OGA: variants seen among roughly 807,000 people sequenced by gnomAD.
The protein encoded by OGA is protein O-GlcNAcase.
OGA carries 21 observed loss-of-function variants against 102.0 expected under a neutral mutation model. That is an observed-to-expected ratio of 0.21 (90% CI 0.15 to 0.30). The LOEUF (loss-of-function observed/expected upper bound fraction) is 0.30, where lower values mean the gene tolerates loss of function less well. Among genes scored for constraint, OGA ranks in the 10% least tolerant of loss-of-function variants. OGA has a pLI of 1.00. For synonymous variants in OGA, 408 were observed against 378.2 expected, an observed-to-expected ratio of 1.08 and a Z score of -0.91; for missense variants, 765 against 1,107.8, an observed-to-expected ratio of 0.69 and a Z score of 4.39.
At position 101,818,265 on chromosome 10, in the gene OGA, A is replaced by G; in HGVS notation, c.-243T>C. On this transcript the variant is annotated 5_prime_UTR_variant, in exon 1 of 16. Coordinates refer to ENST00000361464, the MANE Select transcript of OGA (RefSeq NM_012215.5). ...CTCGGCTTTAAGCTGGGGCGCCAGAAGCCTAAGCGGAGAGCGAGGCTGTGA... is the reference window on the plus strand; with the variant it reads ...CTCGGCTTTAAGCTGGGGCGCCAGAGGCCTAAGCGGAGAGCGAGGCTGTGA... 2 of 1,304,836 alleles carry G rather than the reference A, an allele frequency of 1.5e-6. No individual in the cohort carries two copies. Among genetic ancestry groups the G allele is most frequent in the Non-Finnish European group, 1.9e-6 (2 of 1,027,442 alleles). The allele number at this position is 1,304,836 out of a possible 1,614,324, so 80.8% of individuals were successfully genotyped here. A position where few individuals can be genotyped will look rare whatever the true frequency, so the allele number is the denominator to read the frequency against.
intron 5 of OGA, 48 bp from the exon 6 acceptor site, chr10:101,806,191 G>A (rs1216504608): frequency 2.5e-6 from 3 of 1,198,524 alleles, no homozygotes; most frequent in East Asian, 2.4e-5. Context: ...AATGCTCATG[G>A]GTTTTCTCTT....
chr10:101,799,302 G>A lies in OGA; in HGVS notation c.1349C>T (p.Thr450Ile). Reference protein sequence around the residue: ...QGAALSGEPTTLTKEEEKKQP... With the variant: ...QGAALSGEPTILTKEEEKKQP... ...TTTCTTTTCTTCTTCCTTGGTCAGA[G>A]TAGTAGGCTCACCACTCAAGGCTGC... The change falls in exon 9 of 16, where the codon ACT (threonine) becomes ATT (isoleucine). Residue 450 changes from threonine to isoleucine, a missense_variant. Physicochemically the swap from Thr to Ile is moderately conservative, Grantham distance 89. Coordinates refer to ENST00000361464, the MANE Select transcript of OGA (RefSeq NM_012215.5). 2 of 1,614,114 alleles carry A rather than the reference G, an allele frequency of 1.2e-6. No individual in the cohort carries two copies. Among genetic ancestry groups the A allele is most frequent in the African/African-American group, 2.7e-5 (2 of 75,014 alleles).
At chr10:101,792,967 T>C (rs1273658980) in intron 11 of OGA, 24 bp from the exon 12 acceptor site, 9 of 1,577,578 alleles carry the variant, frequency 5.7e-6, no homozygotes, top group Middle Eastern at 1.7e-4. Flanking sequence ...AAAAAGGAGA[T>C]GGATTAGTTT....
Position 101,817,819 on chromosome 10 carries a change from C to A in OGA, c.199+5G>T. On this transcript the variant is annotated splice_donor_5th_base_variant and intron_variant, in intron 1 of 15. Coordinates refer to ENST00000361464, the MANE Select transcript of OGA (RefSeq NM_012215.5). ...CCAAAACGGGGAGGGAAGGAGGGCG[C>A]TCACCTTCCACCACACCGCAGAGGA... The A allele has an allele frequency of 6.5e-7, 1 of 1,537,508 alleles. No homozygotes were observed.
At position 101,818,260 on chromosome 10, in the gene OGA, C is replaced by A. The variant is rs2065669455; in HGVS notation, c.-238G>T. 43 of 1,311,174 alleles carry A rather than the reference C, an allele frequency of 3.3e-5. No individual in the cohort carries two copies. Among genetic ancestry groups the A allele is most frequent in the Admixed American group, 3.8e-5 (1 of 26,488 alleles). 81.2% of individuals were successfully genotyped at this position (1,311,174 alleles called of 1,614,324 possible). A position where few individuals can be genotyped will look rare whatever the true frequency, so the allele number is the denominator to read the frequency against. On this transcript the variant is annotated 5_prime_UTR_variant, in exon 1 of 16. Transcript: ENST00000361464. Reference sequence around the variant, plus strand: ...GCAGCCTCGGCTTTAAGCTGGGGCGCCAGAAGCCTAAGCGGAGAGCGAGGC... The same window carrying A: ...GCAGCCTCGGCTTTAAGCTGGGGCGACAGAAGCCTAAGCGGAGAGCGAGGC...
At position 101,818,120 on chromosome 10, in the gene OGA, T is replaced by A; in HGVS notation, c.-98A>T. On this transcript the variant is annotated 5_prime_UTR_variant, in exon 1 of 16. Coordinates refer to ENST00000361464, the MANE Select transcript of OGA (RefSeq NM_012215.5). ...CCCTGGAGAGGGCTTCAGCTCCAAG[T>A]GTGCGCCCCTCCGGCTCCTTCCCCT... 7.1e-7 allele frequency: 1 copy of A among 1,403,014 alleles called. No homozygotes were observed. The highest frequency in any genetic ancestry group is 9.3e-7 in the Non-Finnish European group (1 of 1,079,218). 86.9% of individuals were successfully genotyped at this position (1,403,014 alleles called of 1,614,324 possible).
chr10:101,793,172 G>A (rs2065278175), intron 11 of OGA, among the ~76,000 whole-genome samples: 1 of 152,062 alleles, frequency 6.6e-6, no homozygotes, highest in Non-Finnish European at 1.5e-5. Context: ...CATATTAATG[G>A]GGATTTAAAT....
Position 101,804,164 on chromosome 10 carries a change from C to T in OGA, c.752-145G>A, listed in dbSNP as rs114590101. 1,453 of 469,256 alleles carry T rather than the reference C, an allele frequency of 3.1e-3. 18 individuals are homozygous for T. Among genetic ancestry groups the T allele is most frequent in the African/African-American group, 0.026 (1,300 of 49,976 alleles). 29.1% of individuals were successfully genotyped at this position (469,256 alleles called of 1,614,324 possible). On this transcript the variant is annotated intron_variant, in intron 6 of 15. Coordinates refer to ENST00000361464, the MANE Select transcript of OGA (RefSeq NM_012215.5). Reference sequence around the variant, plus strand: ...GTTCGGACCAGCCTGGGCAACACAGCGAGACCCTATCTTTTTATTTTAAAT... The same window carrying T: ...GTTCGGACCAGCCTGGGCAACACAGTGAGACCCTATCTTTTTATTTTAAAT...
chr10:101,794,806 A>G (rs1305768718), intron 10 of OGA, among the ~76,000 whole-genome samples: 1 of 152,228 alleles, frequency 6.6e-6, no homozygotes, highest in African/African-American at 2.4e-5. Flanking sequence ...AGCTAACAGT[A>G]AGACATAAAG....
In OGA at chr10:101,785,690, T is replaced by C. The variant is rs1318212653; in HGVS notation, c.*761A>G. 6.6e-6 allele frequency: 1 copy of C among 152,610 alleles called. No homozygotes were observed. The highest frequency in any genetic ancestry group is 6.5e-5 in the Admixed American group (1 of 15,288). 9.5% of individuals were successfully genotyped at this position (152,610 alleles called of 1,614,324 possible). On this transcript the variant is annotated 3_prime_UTR_variant, in exon 16 of 16. Coordinates refer to ENST00000361464, the MANE Select transcript of OGA (RefSeq NM_012215.5). ...TTTCACTGGTTTACATTATTCAAAG[T>C]GCCATTCTGAACCAACACCCTTTCA...
rs1326152358 is a variant in OGA, at chr10:101,784,973, T to TCACTAGGTAC, written c.*1468_*1477dup. The stretch of plus-strand genomic sequence containing the variant: ...CATACTCAAAGGCTTTGGTTGGAAG[T>TCACTAGGTAC]CACTAGGTACCACTAGGTACAATGC... On this transcript the variant is annotated 3_prime_UTR_variant, in exon 16 of 16. Transcript: ENST00000361464. 6.6e-6 allele frequency: 1 copy of TCACTAGGTAC among 152,234 alleles called. No individual in the cohort carries two copies. The highest frequency in any genetic ancestry group is 1.5e-5 in the Non-Finnish European group (1 of 68,046). The allele number at this position is 152,234 out of a possible 1,614,324, so 9.4% of individuals were successfully genotyped here.
intron 3 of OGA, among the ~76,000 whole-genome samples, chr10:101,811,711 A>C (rs187202793): frequency 6.6e-6 from 1 of 152,282 alleles, no homozygotes; most frequent in African/African-American, 2.4e-5. Flanking sequence ...AGAAAAAGAA[A>C]AAGAACCAGA....
At chr10:101,813,640 T>C (rs2065585441) in intron 1 of OGA, 34 bp from the exon 2 acceptor site, 2 of 1,342,682 alleles carry the variant, frequency 1.5e-6, no homozygotes, top group Non-Finnish European at 2.1e-6. Context: ...TTATATTCAG[T>C]TTTAAAATGT....
intron 12 of OGA, among the ~76,000 whole-genome samples, chr10:101,792,235 C>A (rs1266435831): frequency 6.6e-6 from 1 of 152,028 alleles, no homozygotes; most frequent in Non-Finnish European, 1.5e-5. Context: ...GTCTCGATCT[C>A]CTGACCTCGT....
chr10:101,791,246 A>G, intron 13 of OGA, 108 bp downstream of exon 13: 1 of 1,230,660 alleles, frequency 8.1e-7, no homozygotes. Context: ...TACTAAAGCC[A>G]AAGTGGGATT....
chr10:101,788,150 AG>A (rs2065213755), intron 14 of OGA, among the ~76,000 whole-genome samples: 2 of 145,752 alleles, frequency 1.4e-5, no homozygotes, highest in Non-Finnish European at 3.0e-5. Flanking sequence ...AAAAAAAAAA[AG>A]TTTGGGTTGG....
intron 3 of OGA, among the ~76,000 whole-genome samples, chr10:101,811,947 C>A (rs1207524959): frequency 6.6e-6 from 1 of 152,056 alleles, no homozygotes; most frequent in African/African-American, 2.4e-5. Context: ...ATTACCAGCA[C>A]CACCAGAAAG....
At chr10:101,800,463 G>T in intron 7 of OGA, 63 bp from the exon 8 acceptor site, 1 of 1,326,410 alleles carries the variant, frequency 7.5e-7, no homozygotes, top group Non-Finnish European at 1.1e-6. Flanking sequence ...TCTGACAAGT[G>T]AGAAGAATAA....
intron 3 of OGA, among the ~76,000 whole-genome samples, chr10:101,811,985 G>A (rs928705040): frequency 2.0e-5 from 3 of 152,082 alleles, no homozygotes; most frequent in Non-Finnish European, 4.4e-5. Context: ...CACTTAAATA[G>A]AGTAGTAAAC....
Sources: allele counts gnomAD v4.1 joint callset (sites outside exome capture counted in the v4.1 genomes callset), GRCh38; gene constraint gnomAD v4.1.1; transcripts MANE v1.5; gene names NCBI Gene and HGNC (gene_info 2026-07-23, HGNC 2026-07-21).